Variants in SLC39A11 observed in about 807,000 individuals in gnomAD.
The protein encoded by SLC39A11 is solute carrier family 39 member 11, also known as zinc transporter ZIP11.
SLC39A11 carries 33 observed loss-of-function variants against 36.1 expected under a neutral mutation model. That is an observed-to-expected ratio of 0.91 (90% CI 0.69 to 1.22). The LOEUF is 1.22. Ranked by LOEUF, SLC39A11 falls within the 50% of genes most tolerant of loss-of-function variation. SLC39A11 has a pLI of 0.00. For synonymous variants in SLC39A11, 166 were observed against 170.3 expected (o/e 0.97, Z 0.20); for missense variants, 432 against 430.3 (o/e 1.00, Z -0.03).
At chr17:72,944,386 G>A (rs927537986) in intron 5 of SLC39A11, among the ~76,000 whole-genome samples, 3 of 152,184 alleles carry the variant, frequency 2.0e-5, no homozygotes, top group African/African-American at 7.2e-5. Flanking sequence ...AGCCTACAGA[G>A]GATGCTATGA....
intron 7 of SLC39A11, among the ~76,000 whole-genome samples, chr17:72,707,040 T>G (rs928672650): frequency 6.6e-6 from 1 of 152,260 alleles, no homozygotes; most frequent in Non-Finnish European, 1.5e-5. Context: ...AGATGTGCTG[T>G]AAATGTAAAT....
chr17:72,942,977 T>C (rs1277232244), intron 5 of SLC39A11, among the ~76,000 whole-genome samples: 2 of 152,148 alleles, frequency 1.3e-5, no homozygotes, highest in African/African-American at 2.4e-5. Flanking sequence ...AATGGGCCAA[T>C]ACCTCCCTGT....
chr17:72,656,828 A>G (rs776099556), intron 7 of SLC39A11, among the ~76,000 whole-genome samples: 4 of 152,082 alleles, frequency 2.6e-5, no homozygotes, highest in African/African-American at 7.2e-5. Flanking sequence ...TTCCTATTAT[A>G]TGTTTATTTT....
intron 7 of SLC39A11, among the ~76,000 whole-genome samples, chr17:72,709,241 C>T (rs1290367058): frequency 6.6e-6 from 1 of 152,008 alleles, no homozygotes; most frequent in African/African-American, 2.4e-5. Context: ...CCCGGCCAAG[C>T]CTTTTTCTTT....
At chr17:73,063,921 C>T (rs947080706) in intron 3 of SLC39A11, among the ~76,000 whole-genome samples, 15 of 152,146 alleles carry the variant, frequency 9.9e-5, no homozygotes, top group African/African-American at 3.1e-4. Flanking sequence ...ATCTTAAATA[C>T]AATACTAATC....
chr17:72,978,571 G>T, intron 4 of SLC39A11, among the ~76,000 whole-genome samples: 1 of 152,086 alleles, frequency 6.6e-6, no homozygotes, highest in East Asian at 1.9e-4. Flanking sequence ...CAGAGAAAAG[G>T]AATAGCAGAT....
chr17:73,087,653 G>A (rs1215492430), intron 2 of SLC39A11, among the ~76,000 whole-genome samples: 1 of 152,088 alleles, frequency 6.6e-6, no homozygotes, highest in Non-Finnish European at 1.5e-5. Flanking sequence ...GTGTGGGTAT[G>A]TGGGACTATA....
chr17:72,922,837 G>A (rs1278615434), intron 5 of SLC39A11, among the ~76,000 whole-genome samples: 6 of 151,540 alleles, frequency 4.0e-5, no homozygotes, highest in Admixed American at 3.9e-4. Flanking sequence ...GTGTGGTGGT[G>A]CACACCTGTA....
intron 7 of SLC39A11, among the ~76,000 whole-genome samples, chr17:72,723,113 A>G (rs954369279): frequency 6.6e-6 from 1 of 152,224 alleles, no homozygotes; most frequent in Non-Finnish European, 1.5e-5. Context: ...TCTCATAGCC[A>G]TGGATACAAT....
intron 4 of SLC39A11, among the ~76,000 whole-genome samples, chr17:73,005,856 C>T (rs1466637354): frequency 6.6e-6 from 1 of 152,104 alleles, no homozygotes; most frequent in Non-Finnish European, 1.5e-5. Context: ...GAGTCTAAGG[C>T]AAGGGAATCG....
chr17:72,680,450 G>T (rs11077626), intron 7 of SLC39A11, among the ~76,000 whole-genome samples: 5,984 of 152,250 alleles, frequency 0.039, 383 homozygotes, highest in African/African-American at 0.13. Context: ...TCTTTCCCAT[G>T]CTGTTCTCAT....
At chr17:73,060,134 C>A (rs912496743) in intron 3 of SLC39A11, among the ~76,000 whole-genome samples, 1 of 146,576 alleles carries the variant, frequency 6.8e-6, no homozygotes, top group Admixed American at 7.0e-5. Flanking sequence ...CGCCTGAAGC[C>A]GGGAGGCAGA....
chr17:72,653,264 C>T (rs1208592726), intron 7 of SLC39A11, among the ~76,000 whole-genome samples: 4 of 151,396 alleles, frequency 2.6e-5, no homozygotes, highest in African/African-American at 7.3e-5. Context: ...GCCACCACAC[C>T]CCCCTATTTT....
intron 5 of SLC39A11, among the ~76,000 whole-genome samples, chr17:72,909,945 G>C (rs975108695): frequency 6.6e-6 from 1 of 151,720 alleles, no homozygotes; most frequent in South Asian, 2.1e-4. Flanking sequence ...GTAGAGACGG[G>C]GTTTCACCGT....
At chr17:72,740,999 C>T (rs942494913) in intron 6 of SLC39A11, among the ~76,000 whole-genome samples, 8 of 152,118 alleles carry the variant, frequency 5.3e-5, no homozygotes, top group Non-Finnish European at 8.8e-5. Flanking sequence ...GTCTCGAACT[C>T]CTGACCTCAG....
At chr17:72,924,597 A>G (rs760349015) in intron 5 of SLC39A11, among the ~76,000 whole-genome samples, 1 of 152,198 alleles carries the variant, frequency 6.6e-6, no homozygotes, top group Non-Finnish European at 1.5e-5. Flanking sequence ...ATAAGCAGGA[A>G]GTAGCCTGAG....
At chr17:72,662,740 AAAG>A (rs747519957) in intron 7 of SLC39A11, among the ~76,000 whole-genome samples, 4 of 151,082 alleles carry the variant, frequency 2.6e-5, no homozygotes, top group Non-Finnish European at 5.9e-5. Flanking sequence ...GAGAAAGAAA[AAAG>A]AAAAAAAGGA....
At chr17:72,657,359 C>CAAA (rs2070178870) in intron 7 of SLC39A11, among the ~76,000 whole-genome samples, 1 of 151,830 alleles carries the variant, frequency 6.6e-6, no homozygotes, top group Admixed American at 6.6e-5. Context: ...GATTCTGCCT[C>CAAA]AAAACAAACA....
chr17:72,796,299 G>T (rs1333392728), intron 6 of SLC39A11, among the ~76,000 whole-genome samples: 1 of 152,128 alleles, frequency 6.6e-6, no homozygotes, highest in East Asian at 1.9e-4. Context: ...GTAGCGACAG[G>T]CTTCAAATCC....
Sources: allele counts gnomAD v4.1 joint callset (sites outside exome capture counted in the v4.1 genomes callset), GRCh38; gene constraint gnomAD v4.1.1; transcripts MANE v1.5; gene names NCBI Gene and HGNC (gene_info 2026-07-23, HGNC 2026-07-21).